Variants in PLEKHA2 observed in about 807,000 individuals in gnomAD.
The protein encoded by PLEKHA2 is pleckstrin homology domain-containing family A member 2.
PLEKHA2 carries 28 observed loss-of-function variants against 53.2 expected under a neutral mutation model. The ratio of observed to expected loss-of-function variants is 0.53; its 90% confidence interval spans 0.39 to 0.72. PLEKHA2 has a LOEUF of 0.72. Ranked by LOEUF, PLEKHA2 falls within the 30% of genes least tolerant of loss-of-function variation. The pLI is 0.00. For missense variants in PLEKHA2, 426 were observed against 537.9 expected, an observed-to-expected ratio of 0.79 and a Z score of 2.06; for synonymous variants, 193 against 196.4, an observed-to-expected ratio of 0.98 and a Z score of 0.14.
intron 5 of PLEKHA2, among the ~76,000 whole-genome samples, chr8:38,946,958 G>A (rs1198740838): frequency 2.0e-5 from 3 of 152,116 alleles, no homozygotes; most frequent in Non-Finnish European, 4.4e-5. Flanking sequence ...TATGTTTGAG[G>A]GGCTTCCAGT....
chr8:38,952,136 G>A, intron 6 of PLEKHA2, 30 bp from the exon 7 acceptor site: 1 of 1,600,360 alleles, frequency 6.2e-7, no homozygotes, highest in Non-Finnish European at 8.5e-7. Flanking sequence ...GAGGGAGGGA[G>A]GCGCTGATAC....
intron 1 of PLEKHA2, among the ~76,000 whole-genome samples, chr8:38,916,898 A>G (rs768146376): frequency 1.3e-5 from 2 of 152,190 alleles, no homozygotes; most frequent in Non-Finnish European, 1.5e-5. Context: ...AATACCGTAC[A>G]AGGGTTCCCT....
intron 1 of PLEKHA2, among the ~76,000 whole-genome samples, chr8:38,910,901 T>A (rs1053730434): frequency 2.0e-5 from 3 of 152,218 alleles, no homozygotes; most frequent in Non-Finnish European, 2.9e-5. Flanking sequence ...TGACATCATC[T>A]TAAGTTTTAA....
intron 1 of PLEKHA2, among the ~76,000 whole-genome samples, chr8:38,911,615 C>T (rs1163090135): frequency 6.6e-6 from 1 of 152,186 alleles, no homozygotes; most frequent in East Asian, 1.9e-4. Flanking sequence ...TACCTGGGAA[C>T]TCTTGAGATA....
At chr8:38,949,367 T>A (rs1369897784) in intron 5 of PLEKHA2, among the ~76,000 whole-genome samples, 1 of 152,168 alleles carries the variant, frequency 6.6e-6, no homozygotes, top group Non-Finnish European at 1.5e-5. Context: ...GCCTCTCCCG[T>A]TCTGCTGGGG....
At chr8:38,950,732 C>T in intron 5 of PLEKHA2, 118 bp from the exon 6 acceptor site, 1 of 1,302,506 alleles carries the variant, frequency 7.7e-7, no homozygotes. Flanking sequence ...GGAGGACACG[C>T]AAGTCTGACT....
chr8:38,924,502 G>T (rs1010872280), intron 2 of PLEKHA2, among the ~76,000 whole-genome samples: 2 of 152,198 alleles, frequency 1.3e-5, no homozygotes, highest in Non-Finnish European at 2.9e-5. Context: ...GCAAGGGATG[G>T]TTTCACTGTG....
At chr8:38,952,735 G>A (rs1256737842) in intron 8 of PLEKHA2, 31 bp downstream of exon 8, 4 of 1,597,968 alleles carry the variant, frequency 2.5e-6, no homozygotes, top group Admixed American at 1.7e-5. Flanking sequence ...CCTTCTGAGA[G>A]GTCATGGAAA....
chr8:38,911,242 TTC>T (rs1833949127), intron 1 of PLEKHA2, among the ~76,000 whole-genome samples: 1 of 84,496 alleles, frequency 1.2e-5, no homozygotes, highest in Admixed American at 1.4e-4. Flanking sequence ...CATGAACACT[TTC>T]TTTTTTTTTT....
intron 10 of PLEKHA2, among the ~76,000 whole-genome samples, chr8:38,967,579 T>C (rs1835163962): frequency 6.6e-6 from 1 of 152,198 alleles, no homozygotes; most frequent in Non-Finnish European, 1.5e-5. Flanking sequence ...ATTTCTCCAA[T>C]GATTAGGGAT....
intron 2 of PLEKHA2, among the ~76,000 whole-genome samples, chr8:38,918,680 C>G (rs911388050): frequency 6.7e-6 from 1 of 149,206 alleles, no homozygotes; most frequent in African/African-American, 2.5e-5. Context: ...CACACACACC[C>G]CCACGCACAC....
Position 38,969,889 on chromosome 8 carries a change from C to T in PLEKHA2, c.*106C>T. ...GGAGGGTAGTCAGAGGCCTTTATGT[C>T]ACTCATATTCCTGTGGATGCTCTTT... On this transcript the variant is annotated 3_prime_UTR_variant, in exon 12 of 12. Coordinates refer to ENST00000617275, the MANE Select transcript of PLEKHA2 (RefSeq NM_021623.2). The T allele has an allele frequency of 8.9e-6, 13 of 1,460,634 alleles. No homozygotes were observed. Among genetic ancestry groups the T allele is most frequent in the African/African-American group, 1.4e-5 (1 of 69,650 alleles). 90.5% of individuals were successfully genotyped at this position (1,460,634 alleles called of 1,614,324 possible).
intron 5 of PLEKHA2, 43 bp from the exon 6 acceptor site, chr8:38,950,807 A>G (rs764665198): frequency 3.8e-6 from 6 of 1,586,884 alleles, no homozygotes; most frequent in African/African-American, 2.7e-5. Flanking sequence ...CATGTTTCCT[A>G]AATGTTCTGT....
At chr8:38,914,197 C>G (rs1294705360) in intron 1 of PLEKHA2, among the ~76,000 whole-genome samples, 1 of 152,218 alleles carries the variant, frequency 6.6e-6, no homozygotes, top group Non-Finnish European at 1.5e-5. Context: ...GTGGGATTCC[C>G]CGACGCATCT....
intron 2 of PLEKHA2, among the ~76,000 whole-genome samples, chr8:38,935,272 G>C (rs763513621): frequency 6.6e-6 from 1 of 152,110 alleles, no homozygotes; most frequent in South Asian, 2.1e-4. Flanking sequence ...GCCTTCCAAA[G>C]TGCTGGGATT....
chr8:38,921,670 T>C (rs1363855888), intron 2 of PLEKHA2, among the ~76,000 whole-genome samples: 1 of 152,216 alleles, frequency 6.6e-6, no homozygotes, highest in African/African-American at 2.4e-5. Flanking sequence ...CTAGCTGAGC[T>C]CTCAGGGTGT....
chr8:38,937,220 G>A (rs576645175), intron 3 of PLEKHA2, among the ~76,000 whole-genome samples: 1 of 152,234 alleles, frequency 6.6e-6, no homozygotes, highest in East Asian at 1.9e-4. Context: ...AATGACCTCA[G>A]GGAAGGAGGA....
intron 2 of PLEKHA2, among the ~76,000 whole-genome samples, chr8:38,933,833 A>G (rs934123097): frequency 6.7e-6 from 1 of 149,624 alleles, no homozygotes; most frequent in Non-Finnish European, 1.5e-5. Flanking sequence ...GTTGAAAAAA[A>G]ATGTGTAAAT....
intron 10 of PLEKHA2, among the ~76,000 whole-genome samples, chr8:38,964,715 A>G (rs1835101515): frequency 6.6e-6 from 1 of 152,174 alleles, no homozygotes; most frequent in Non-Finnish European, 1.5e-5. Context: ...ACTGAAAAAA[A>G]AAATCAAGAT....
Sources: gnomAD v4.1 joint callset for allele counts (sites outside exome capture counted in the v4.1 genomes callset) on GRCh38, gnomAD v4.1.1 for gene constraint, MANE v1.5 for transcripts, NCBI Gene and HGNC (gene_info 2026-07-23, HGNC 2026-07-21) for gene names.